Variants in COL21A1 observed in about 807,000 individuals in gnomAD.
The protein encoded by COL21A1 is collagen type XXI alpha 1 chain, also known as collagen alpha-1(XXI) chain.
COL21A1 carries 149 observed loss-of-function variants against 137.9 expected under a neutral mutation model. That is an observed-to-expected ratio of 1.08 (90% CI 0.95 to 1.24). The LOEUF (loss-of-function observed/expected upper bound fraction) is 1.24, where lower values mean the gene tolerates loss of function less well. COL21A1 is among the 50% of genes most tolerant of loss of function. The probability of loss-of-function intolerance (pLI) is 0.00; values close to 1 mark genes in which losing one functional copy is unlikely to be tolerated. For missense variants in COL21A1, 1,167 were observed against 1,158.4 expected (o/e 1.01, Z -0.11); for synonymous variants, 456 against 391.5 (o/e 1.16, Z -1.95).
chr6:56,170,845 A>G lies in COL21A1; in HGVS notation c.830T>C (p.Leu277Pro), dbSNP rs2764043. Residue 277 changes from leucine (L) to proline (P), a missense_variant, in exon 5 of 30, where the codon CTT becomes CCT. Transcript: ENST00000244728. ...AGACACAAATACATATGATGGAGGA[A>G]GACCTTCTGGGAAAACATTGCTAGA... Reference protein sequence around the residue: ...ELTSNVFPEGLPPSYVFVSTQ... With the variant: ...ELTSNVFPEGPPPSYVFVSTQ... 2,031 of 1,610,740 alleles carry G rather than the reference A, an allele frequency of 1.3e-3. 3 individuals are homozygous for G. The highest frequency in any genetic ancestry group is 3.8e-3 in the Middle Eastern group (23 of 6,046).
In COL21A1 at chr6:56,147,912, C is replaced by T. The variant is rs74867214; in HGVS notation, c.1435-5929G>A. Among the ~76,000 whole-genome samples, 332 of 152,256 alleles carry T rather than the reference C, an allele frequency of 2.2e-3. 6 individuals carry two copies. The East Asian group carries it at 0.036, about 17-fold the overall frequency. ...TCCTCCCTGTCCTCTTTTTCTCTAGCATCATTCTTGAATATCTGAAAATAG... is the reference window on the plus strand; with the variant it reads ...TCCTCCCTGTCCTCTTTTTCTCTAGTATCATTCTTGAATATCTGAAAATAG... On this transcript the variant is annotated intron_variant, in intron 10 of 29. Coordinates refer to ENST00000244728, the MANE Select transcript of COL21A1 (RefSeq NM_030820.4).
chr6:56,103,344 A>G (rs943616321), intron 16 of COL21A1, among the ~76,000 whole-genome samples: 2 of 152,200 alleles, frequency 1.3e-5, no homozygotes, highest in Non-Finnish European at 2.9e-5. Flanking sequence ...AGGTACTGTC[A>G]TATGTGACTT....
chr6:56,363,250 G>A (rs922193142), intron 1 of COL21A1, among the ~76,000 whole-genome samples: 4 of 152,244 alleles, frequency 2.6e-5, no homozygotes, highest in African/African-American at 9.6e-5. Context: ...GTCTCAGACA[G>A]CAGAAGCAGC....
intron 12 of COL21A1, among the ~76,000 whole-genome samples, chr6:56,134,486 C>A (rs529449220): frequency 6.6e-6 from 1 of 152,262 alleles, no homozygotes; most frequent in South Asian, 2.1e-4. Flanking sequence ...GGACTATGGA[C>A]TTTCAAGTTA....
At chr6:56,375,753 TTG>T (rs1393230802) in intron 1 of COL21A1, among the ~76,000 whole-genome samples, 1 of 152,176 alleles carries the variant, frequency 6.6e-6, no homozygotes, top group Non-Finnish European at 1.5e-5. Flanking sequence ...GACTTCATTA[TTG>T]ACCACATGTG....
At chr6:56,297,897 T>A (rs1764197476) in intron 1 of COL21A1, among the ~76,000 whole-genome samples, 2 of 152,028 alleles carry the variant, frequency 1.3e-5, no homozygotes, top group African/African-American at 2.4e-5. Context: ...ATCCTTTGGT[T>A]GGGGCCTCAA....
chr6:56,345,528 G>A (rs562421758), intron 1 of COL21A1, among the ~76,000 whole-genome samples: 200 of 152,258 alleles, frequency 1.3e-3, no homozygotes, highest in South Asian at 2.3e-3. Context: ...GAACTCAGAC[G>A]TTTTTGATGT....
chr6:56,371,380 A>G (rs535644935), intron 1 of COL21A1, among the ~76,000 whole-genome samples: 2 of 152,300 alleles, frequency 1.3e-5, no homozygotes, highest in East Asian at 1.9e-4. Flanking sequence ...TCACAGCCCA[A>G]TCTGCTGCAT....
intron 1 of COL21A1, among the ~76,000 whole-genome samples, chr6:56,356,588 T>C (rs1268957704): frequency 6.6e-6 from 1 of 152,238 alleles, no homozygotes; most frequent in Non-Finnish European, 1.5e-5. Flanking sequence ...TGTGGCCAGA[T>C]GGTGACAACT....
intron 1 of COL21A1, among the ~76,000 whole-genome samples, chr6:56,213,420 A>G (rs887793825): frequency 1.3e-5 from 2 of 152,028 alleles, no homozygotes; most frequent in African/African-American, 4.8e-5. Context: ...TGTCTCTCCA[A>G]CTAGCAAGTG....
At chr6:56,333,742 TGA>T (rs1348726820) in intron 1 of COL21A1, among the ~76,000 whole-genome samples, 1 of 152,148 alleles carries the variant, frequency 6.6e-6, no homozygotes, top group Non-Finnish European at 1.5e-5. Flanking sequence ...CAGTAGCATA[TGA>T]GAGTTTCGGT....
At chr6:56,208,318 C>G (rs189405087) in intron 1 of COL21A1, among the ~76,000 whole-genome samples, 1 of 152,306 alleles carries the variant, frequency 6.6e-6, no homozygotes, top group East Asian at 1.9e-4. Context: ...TGATAAGCAA[C>G]TTCAACAGTC....
chr6:56,225,223 C>T (rs1405358441), intron 1 of COL21A1, among the ~76,000 whole-genome samples: 3 of 152,024 alleles, frequency 2.0e-5, no homozygotes, highest in African/African-American at 7.2e-5. Flanking sequence ...TCTACTAAAG[C>T]AAACAACTGC....
chr6:56,171,380 A>G (rs1017295962), intron 3 of COL21A1, among the ~76,000 whole-genome samples: 1 of 151,934 alleles, frequency 6.6e-6, no homozygotes, highest in Non-Finnish European at 1.5e-5. Context: ...AAGTAAAACA[A>G]AAATATAAAT....
chr6:56,169,602 T>G (rs1381671800), intron 5 of COL21A1, among the ~76,000 whole-genome samples: 2 of 152,004 alleles, frequency 1.3e-5, no homozygotes, highest in East Asian at 1.9e-4. Context: ...CTGCATTTTA[T>G]TACACACCTG....
chr6:56,328,533 T>A (rs1019576500), intron 1 of COL21A1, among the ~76,000 whole-genome samples: 1 of 151,962 alleles, frequency 6.6e-6, no homozygotes, highest in Non-Finnish European at 1.5e-5. Flanking sequence ...AGGAAAAAAA[T>A]AAAGCAGAGA....
chr6:56,340,605 C>T (rs1192050740), intron 1 of COL21A1, among the ~76,000 whole-genome samples: 1 of 125,720 alleles, frequency 8.0e-6, no homozygotes. Context: ...ATCAGTTTCC[C>T]ACTAGACCTT....
At chr6:56,322,382 T>G (rs554450386) in intron 1 of COL21A1, among the ~76,000 whole-genome samples, 1 of 152,244 alleles carries the variant, frequency 6.6e-6, no homozygotes, top group Non-Finnish European at 1.5e-5. Context: ...CAACTACCAC[T>G]TCTTCAAGCG....
intron 1 of COL21A1, among the ~76,000 whole-genome samples, chr6:56,282,892 T>C (rs992519432): frequency 1.3e-5 from 2 of 152,234 alleles, no homozygotes; most frequent in African/African-American, 4.8e-5. Flanking sequence ...AATAAACTCC[T>C]GTTTGTAAAA....
Sources: allele counts gnomAD v4.1 joint callset (sites outside exome capture counted in the v4.1 genomes callset), GRCh38; gene constraint gnomAD v4.1.1; transcripts MANE v1.5; gene names NCBI Gene and HGNC (gene_info 2026-07-23, HGNC 2026-07-21).